ESRRG: variants seen among roughly 807,000 people sequenced by gnomAD.
ESRRG encodes estrogen related receptor gamma.
Under a neutral mutation model 44.0 loss-of-function variants are expected in ESRRG, and 13 were observed. That is an observed-to-expected ratio of 0.30 (90% CI 0.19 to 0.47). ESRRG has a LOEUF of 0.47. ESRRG is among the 20% of genes least tolerant of loss of function. The probability of loss-of-function intolerance (pLI) is 1.00; values close to 1 mark genes in which losing one functional copy is unlikely to be tolerated. For synonymous variants in ESRRG, 215 were observed against 214.6 expected, an observed-to-expected ratio of 1.00 and a Z score of -0.02; for missense variants, 395 against 580.6, an observed-to-expected ratio of 0.68 and a Z score of 3.29.
intron 2 of ESRRG, among the ~76,000 whole-genome samples, chr1:216,752,246 C>A (rs1008914098): frequency 6.6e-6 from 1 of 151,972 alleles, no homozygotes; most frequent in African/African-American, 2.4e-5. Context: ...AGCAAGAGAG[C>A]AGATTCCGCT....
chr1:216,519,128 C>A (rs1471622297), intron 6 of ESRRG, 24 bp downstream of exon 6: 5 of 1,601,572 alleles, frequency 3.1e-6, no homozygotes, highest in African/African-American at 1.3e-5. Context: ...AAAAATGTAA[C>A]AATGACTATG....
Position 216,892,201 on chromosome 1 carries a change from AG to A in ESRRG, c.-14+47380del, listed in dbSNP as rs147006991. ...GAAAACATTATTTAATGGAAAACTT[AG>A]TGTGCCCCTTATGGCATTCAGATAA... On this transcript the variant is annotated intron_variant, in intron 2 of 7. Coordinates refer to the ESRRG transcript ENST00000359162. 9.8e-3 allele frequency among the ~76,000 whole-genome samples: 1,499 copies of A among 152,308 alleles called. 33 individuals carry two copies. Among genetic ancestry groups the A allele is most frequent in the African/African-American group, 0.034 (1,427 of 41,554 alleles).
chr1:216,832,283 T>C (rs1382313467), intron 2 of ESRRG, among the ~76,000 whole-genome samples: 2 of 152,202 alleles, frequency 1.3e-5, no homozygotes, highest in African/African-American at 4.8e-5. Flanking sequence ...AAAAGGACAA[T>C]TATCATATAC....
chr1:217,137,067 G>T (rs961535678), intron 1 of ESRRG, among the ~76,000 whole-genome samples: 2 of 152,140 alleles, frequency 1.3e-5, no homozygotes, highest in East Asian at 1.9e-4. Context: ...CTAGTAGCTG[G>T]GGGGGAGGGA....
chr1:216,984,218 CG>C (rs2074495109), intron 1 of ESRRG, among the ~76,000 whole-genome samples: 1 of 152,048 alleles, frequency 6.6e-6, no homozygotes, highest in African/African-American at 2.4e-5. Flanking sequence ...TATACTCTTC[CG>C]TATATTTTTT....
chr1:216,866,764 A>C (rs2096171215), intron 2 of ESRRG, among the ~76,000 whole-genome samples: 2 of 151,886 alleles, frequency 1.3e-5, no homozygotes, highest in African/African-American at 4.8e-5. Context: ...AACAGCTTAA[A>C]GTATGTCCAT....
chr1:216,529,794 C>A (rs770485378), intron 5 of ESRRG, among the ~76,000 whole-genome samples: 1 of 151,790 alleles, frequency 6.6e-6, no homozygotes, highest in South Asian at 2.1e-4. Flanking sequence ...GGGAATATCC[C>A]ACAATTAAAA....
chr1:217,035,319 CAA>C (rs397709457), intron 1 of ESRRG, among the ~76,000 whole-genome samples: 4 of 75,168 alleles, frequency 5.3e-5, no homozygotes, highest in Non-Finnish European at 7.3e-5. Flanking sequence ...GACTCTGTCT[CAA>C]AAAAAAAAAA....
intron 1 of ESRRG, among the ~76,000 whole-genome samples, chr1:216,680,772 C>T (rs1324147256): frequency 6.6e-6 from 1 of 152,186 alleles, no homozygotes; most frequent in African/African-American, 2.4e-5. Context: ...TTCTACAGCT[C>T]TATTATTCAA....
chr1:216,876,631 G>A (rs1031092760), intron 2 of ESRRG, among the ~76,000 whole-genome samples: 3 of 150,784 alleles, frequency 2.0e-5, no homozygotes, highest in Non-Finnish European at 2.9e-5. Context: ...AATCAATGCT[G>A]AGGCATTTGT....
chr1:216,638,503 T>C (rs555546415), intron 3 of ESRRG, among the ~76,000 whole-genome samples: 4 of 152,326 alleles, frequency 2.6e-5, no homozygotes, highest in East Asian at 3.9e-4. Flanking sequence ...GCTCAATCAA[T>C]AGTCACAGAC....
chr1:217,097,348 T>C (rs569753138), intron 1 of ESRRG, among the ~76,000 whole-genome samples: 1 of 152,350 alleles, frequency 6.6e-6, no homozygotes, highest in East Asian at 1.9e-4. Context: ...CTCTTATGTG[T>C]ACAGTTCTTG....
intron 1 of ESRRG, among the ~76,000 whole-genome samples, chr1:217,127,145 C>G (rs1215352925): frequency 6.6e-6 from 1 of 152,152 alleles, no homozygotes; most frequent in African/African-American, 2.4e-5. Flanking sequence ...ATTTTAAACA[C>G]TTAATTGTAA....
intron 3 of ESRRG, among the ~76,000 whole-genome samples, chr1:216,619,830 A>G (rs1372870987): frequency 6.6e-6 from 1 of 152,230 alleles, no homozygotes; most frequent in Non-Finnish European, 1.5e-5. Context: ...TGTGGCCAGG[A>G]GAGTCAAGCT....
chr1:217,031,329 C>T (rs1019025966), intron 1 of ESRRG, among the ~76,000 whole-genome samples: 5 of 152,216 alleles, frequency 3.3e-5, no homozygotes, highest in African/African-American at 1.2e-4. Flanking sequence ...AGAGAATTCC[C>T]CTACCAATCT....
chr1:217,044,797 C>T (rs766748175), intron 1 of ESRRG, among the ~76,000 whole-genome samples: 2 of 152,186 alleles, frequency 1.3e-5, no homozygotes, highest in Non-Finnish European at 2.9e-5. Context: ...AAATCCCTGA[C>T]AGGTATTACT....
intron 1 of ESRRG, among the ~76,000 whole-genome samples, chr1:217,112,481 C>A (rs923837986): frequency 6.6e-6 from 1 of 152,068 alleles, no homozygotes; most frequent in Non-Finnish European, 1.5e-5. Context: ...AATACTGTTG[C>A]CTACAGTAAC....
intron 2 of ESRRG, among the ~76,000 whole-genome samples, chr1:216,916,368 T>C (rs1172399197): frequency 6.6e-6 from 1 of 152,232 alleles, no homozygotes; most frequent in East Asian, 1.9e-4. Flanking sequence ...TGTTGAATTG[T>C]GTACTTTTCA....
At chr1:216,972,523 G>T (rs2071900662) in intron 1 of ESRRG, among the ~76,000 whole-genome samples, 1 of 152,160 alleles carries the variant, frequency 6.6e-6, no homozygotes, top group South Asian at 2.1e-4. Flanking sequence ...ACATACAGCA[G>T]TAGCATCTAA....
Sources: allele counts gnomAD v4.1 joint callset (sites outside exome capture counted in the v4.1 genomes callset), GRCh38; gene constraint gnomAD v4.1.1; transcripts MANE v1.5; gene names NCBI Gene and HGNC (gene_info 2026-07-23, HGNC 2026-07-21).